The following WDHD1 variants were observed in gnomAD, a reference collection of about 807,000 sequenced individuals.
WDHD1 encodes the protein WD repeat and HMG-box DNA binding protein 1, also known as WD repeat and HMG-box DNA-binding protein 1.
In WDHD1, 111 loss-of-function variants were observed where a neutral mutation model predicts 135.4. The observed-to-expected ratio is 0.82, with a 90% CI of 0.70 to 0.96. The LOEUF (loss-of-function observed/expected upper bound fraction) is 0.96, where lower values mean the gene tolerates loss of function less well. Ranked by LOEUF, WDHD1 falls within the 40% of genes least tolerant of loss-of-function variation. WDHD1 has a pLI of 0.00. For missense variants in WDHD1, 1,351 were observed against 1,336.3 expected (o/e 1.01, Z -0.17); for synonymous variants, 434 against 439.0 (o/e 0.99, Z 0.14).
chr14:54,988,893 T>C, intron 13 of WDHD1, 135 bp downstream of exon 13: 1 of 704,424 alleles, frequency 1.4e-6, no homozygotes, highest in Non-Finnish European at 2.3e-6. Flanking sequence ...GGTGTGCTGG[T>C]GTTTGTACCA....
chr14:54,982,728 A>G (rs1566725373), intron 15 of WDHD1, among the ~76,000 whole-genome samples: 1 of 152,232 alleles, frequency 6.6e-6, no homozygotes, highest in African/African-American at 2.4e-5. Context: ...TAAAGCCTGA[A>G]TGACTAATAG....
chr14:54,983,884 C>T (rs1450025891), intron 15 of WDHD1, among the ~76,000 whole-genome samples: 1 of 151,844 alleles, frequency 6.6e-6, no homozygotes, highest in African/African-American at 2.4e-5. Context: ...TTTATTTCAT[C>T]GAAGATATCT....
chr14:55,007,423 C>G, intron 6 of WDHD1, 48 bp from the exon 7 acceptor site: 1 of 1,340,890 alleles, frequency 7.5e-7, no homozygotes, highest in Non-Finnish European at 1.0e-6. Flanking sequence ...AAATCCCCCC[C>G]AAAATATATG....
chr14:55,015,200 C>T (rs2042238846), intron 2 of WDHD1, among the ~76,000 whole-genome samples: 1 of 151,890 alleles, frequency 6.6e-6, no homozygotes, highest in African/African-American at 2.4e-5. Flanking sequence ...GCCTGACCAA[C>T]ATGGCAAAAC....
At chr14:54,960,129 C>A (rs988183358) in intron 21 of WDHD1, among the ~76,000 whole-genome samples, 9 of 152,310 alleles carry the variant, frequency 5.9e-5, no homozygotes, top group Admixed American at 1.3e-4. Context: ...CTAGCTCAGG[C>A]CCTTATTCAA....
chr14:54,955,856 T>C (rs1181938769), intron 23 of WDHD1, among the ~76,000 whole-genome samples, 162 bp from the exon 24 acceptor site: 1 of 149,284 alleles, frequency 6.7e-6, no homozygotes, highest in African/African-American at 2.5e-5. Flanking sequence ...GGCAAACACA[T>C]GCAAAACCAA....
chr14:54,954,788 G>A (rs540846316), intron 24 of WDHD1, among the ~76,000 whole-genome samples: 38 of 152,184 alleles, frequency 2.5e-4, no homozygotes, highest in Admixed American at 6.5e-4. Flanking sequence ...GGAGTGCAGC[G>A]GTGTGATCTC....
chr14:55,005,307 TGGGATTAGTCACCATAAG>T (rs2042047061), intron 7 of WDHD1: 1 of 551,026 alleles, frequency 1.8e-6, no homozygotes, highest in Admixed American at 1.9e-5. Flanking sequence ...TGATCAGCAC[TGGGATTAGTCACCATAAG>T]AAGCTGTGGC....
chr14:54,988,654 G>A (rs1401947442), intron 13 of WDHD1, among the ~76,000 whole-genome samples: 2 of 151,670 alleles, frequency 1.3e-5, no homozygotes, highest in Non-Finnish European at 2.9e-5. Context: ...AGAATTCTGG[G>A]AGGAGTTTTC....
Position 54,972,602 on chromosome 14 carries a change from C to A in WDHD1, c.2064-5208G>T, listed in dbSNP as rs1451106841. ...AAAAAAAAAAAAAATGCCAATGAGG[C>A]ATATTCACTTTCATCCATCAGTTTG... On this transcript the variant is annotated intron_variant, in intron 16 of 25. Transcript: ENST00000360586. Among the ~76,000 whole-genome samples, 13 of 107,888 alleles carry A rather than the reference C, an allele frequency of 1.2e-4. 1 individual carries two copies. The highest frequency in any genetic ancestry group is 3.1e-4 in the South Asian group (1 of 3,192). The allele number at this position is 107,888 out of a possible 152,430, so 70.8% of individuals were successfully genotyped here.
At chr14:55,017,787 TTTTA>T (rs1325381655) in intron 2 of WDHD1, among the ~76,000 whole-genome samples, 5 of 152,128 alleles carry the variant, frequency 3.3e-5, no homozygotes, top group Non-Finnish European at 5.9e-5. Flanking sequence ...AATTTTCAGA[TTTTA>T]TTTATATCTA....
In WDHD1 at chr14:55,013,194, C is replaced by CAAAAAAAAAAA. The variant is rs71448422; in HGVS notation, c.189+280_189+290dup. On this transcript the variant is annotated intron_variant, in intron 3 of 25. Transcript: ENST00000360586. Reference sequence around the variant, plus strand: ...TGAGCAACATGGCAAGATCCCGTTTCAAAAAAAAAAAAAAAAAAAAAAAAT... The same window carrying CAAAAAAAAAAA: ...TGAGCAACATGGCAAGATCCCGTTTCAAAAAAAAAAAAAAAAAAAAAAAAAAAAAAAAAAAT... 1.4e-3 allele frequency among the ~76,000 whole-genome samples: 112 copies of CAAAAAAAAAAA among 82,310 alleles called. 7 individuals carry two copies. Among genetic ancestry groups the CAAAAAAAAAAA allele is most frequent in the African/African-American group, 5.3e-3 (102 of 19,320 alleles). 54.0% of individuals were successfully genotyped at this position (82,310 alleles called of 152,430 possible). A position where few individuals can be genotyped will look rare whatever the true frequency, so the allele number is the denominator to read the frequency against.
intron 15 of WDHD1, 89 bp from the exon 16 acceptor site, chr14:54,981,785 C>A: frequency 1.3e-6 from 1 of 766,820 alleles, no homozygotes; most frequent in East Asian, 2.9e-5. Context: ...ACCAAGGATT[C>A]AACTTTGCTT....
intron 18 of WDHD1, 132 bp from the exon 19 acceptor site, chr14:54,963,304 T>C (rs1430421371): frequency 4.3e-6 from 3 of 701,232 alleles, no homozygotes; most frequent in African/African-American, 3.6e-5. Flanking sequence ...AAGATGCACA[T>C]TTTTACAAGT....
At chr14:55,015,114 A>G (rs1330335773) in intron 2 of WDHD1, among the ~76,000 whole-genome samples, 1 of 152,166 alleles carries the variant, frequency 6.6e-6, no homozygotes, top group South Asian at 2.1e-4. Context: ...TATGTGTCCA[A>G]CTGGCCTGGC....
intron 21 of WDHD1, among the ~76,000 whole-genome samples, chr14:54,960,685 T>C (rs866829580): frequency 6.6e-6 from 1 of 151,660 alleles, no homozygotes; most frequent in South Asian, 2.1e-4. Flanking sequence ...TTTGTATTTT[T>C]AGTGGAGATG....
intron 2 of WDHD1, among the ~76,000 whole-genome samples, chr14:55,020,516 G>A (rs1484273946): frequency 6.6e-6 from 1 of 152,014 alleles, no homozygotes; most frequent in Non-Finnish European, 1.5e-5. Context: ...TAAATATTTT[G>A]GAGTATCCTT....
intron 7 of WDHD1, chr14:55,004,976 T>C (rs1242047340): frequency 5.5e-6 from 3 of 541,666 alleles, no homozygotes; most frequent in Admixed American, 3.8e-5. Flanking sequence ...CAACCTCAGG[T>C]TGAGGAGCAC....
At chr14:55,002,852 CA>C (rs2041998711) in intron 7 of WDHD1, among the ~76,000 whole-genome samples, 2 of 152,154 alleles carry the variant, frequency 1.3e-5, no homozygotes, top group Admixed American at 6.5e-5. Flanking sequence ...CTCAGCCTCC[CA>C]AAGTGCTGAG....
Sources: gnomAD v4.1 joint callset for allele counts (sites outside exome capture counted in the v4.1 genomes callset) on GRCh38, gnomAD v4.1.1 for gene constraint, MANE v1.5 for transcripts, NCBI Gene and HGNC (gene_info 2026-07-23, HGNC 2026-07-21) for gene names.